Variants in LINGO2 observed in about 807,000 individuals in gnomAD.
LINGO2 encodes the protein leucine-rich repeat and immunoglobulin-like domain-containing nogo receptor-interacting protein 2.
Under a neutral mutation model 30.6 loss-of-function variants are expected in LINGO2, and 14 were observed. The observed-to-expected ratio is 0.46, with a 90% CI of 0.30 to 0.72. The LOEUF (loss-of-function observed/expected upper bound fraction) is 0.72, where lower values mean the gene tolerates loss of function less well. Among genes scored for constraint, LINGO2 ranks in the 30% least tolerant of loss-of-function variants. The probability of loss-of-function intolerance (pLI) is 0.07; values close to 1 mark genes in which losing one functional copy is unlikely to be tolerated. For missense variants in LINGO2, 729 were observed against 751.7 expected, an observed-to-expected ratio of 0.97 and a Z score of 0.35; for synonymous variants, 317 against 288.5, an observed-to-expected ratio of 1.10 and a Z score of -1.00.
the LINGO2 span, among the ~76,000 whole-genome samples, chr9:29,211,579 TTC>T: frequency 2.0e-5 from 3 of 151,084 alleles, no homozygotes; most frequent in Admixed American, 6.6e-5. Flanking sequence ...TTCTCTTCTC[TTC>T]TCTCTCTCTC....
At chr9:28,932,107 A>AAAAATAAAATAAAATAAAATAAAAT in the LINGO2 span, among the ~76,000 whole-genome samples, 2,030 of 107,570 alleles carry the variant, frequency 0.019, 168 homozygotes, top group African/African-American at 0.044. Context: ...ACTCTGACAA[A>AAAAATAAAATAAAATAAAATAAAAT]AAAATAAAAT....
the LINGO2 span, among the ~76,000 whole-genome samples, chr9:29,096,853 T>A: frequency 7.1e-6 from 1 of 139,968 alleles, no homozygotes; most frequent in East Asian, 2.4e-4. Context: ...AAAATGTTCC[T>A]GGAAATAATG....
the LINGO2 span, among the ~76,000 whole-genome samples, chr9:28,692,390 G>T: frequency 6.6e-6 from 1 of 152,050 alleles, no homozygotes; most frequent in Admixed American, 6.6e-5. Context: ...CAGGAGAGTC[G>T]CTTGAACCCA....
At chr9:28,138,011 CATT>C (rs1235810041) in intron 4 of LINGO2, among the ~76,000 whole-genome samples, 2 of 152,172 alleles carry the variant, frequency 1.3e-5, no homozygotes, top group African/African-American at 4.8e-5. Flanking sequence ...GCTCTACATG[CATT>C]ATCAAGTTTG....
At chr9:28,933,289 G>A in the LINGO2 span, among the ~76,000 whole-genome samples, 1 of 152,044 alleles carries the variant, frequency 6.6e-6, no homozygotes, top group Non-Finnish European at 1.5e-5. Context: ...TCACCACCCT[G>A]CTTCATTGGG....
At chr9:28,172,028 A>AAC (rs71504157) in intron 4 of LINGO2, among the ~76,000 whole-genome samples, 3 of 92,040 alleles carry the variant, frequency 3.3e-5, no homozygotes, top group East Asian at 2.4e-4. Context: ...AAAAAAAAAA[A>AAC]AAAAACAAAA....
the LINGO2 span, among the ~76,000 whole-genome samples, chr9:29,058,853 G>A: frequency 6.6e-5 from 10 of 151,858 alleles, no homozygotes; most frequent in African/African-American, 1.4e-4. Flanking sequence ...AAAATAGGTC[G>A]TTACATTTAA....
intron 1 of LINGO2, among the ~76,000 whole-genome samples, chr9:28,591,316 T>C (rs569576851): frequency 8.6e-5 from 13 of 151,848 alleles, no homozygotes; most frequent in South Asian, 4.2e-4. Flanking sequence ...AATAAAAATA[T>C]ATATATATAA....
chr9:29,034,966 A>C, the LINGO2 span, among the ~76,000 whole-genome samples: 1 of 152,134 alleles, frequency 6.6e-6, no homozygotes, highest in African/African-American at 2.4e-5. Context: ...CACATATAAA[A>C]TGTCAGGAAT....
intron 3 of LINGO2, among the ~76,000 whole-genome samples, chr9:28,300,657 G>C (rs960239558): frequency 6.6e-6 from 1 of 151,268 alleles, no homozygotes; most frequent in Non-Finnish European, 1.5e-5. Context: ...TTCCTCCATT[G>C]TCTTTTTTCT....
chr9:27,954,023 C>T (rs2095046), intron 5 of LINGO2, among the ~76,000 whole-genome samples: 84,102 of 151,942 alleles, frequency 0.55, 24,783 homozygotes, highest in East Asian at 0.81. Flanking sequence ...TTTTCAAAAA[C>T]ATACCTGTAT....
chr9:29,176,278 CT>C, the LINGO2 span, among the ~76,000 whole-genome samples: 1 of 152,212 alleles, frequency 6.6e-6, no homozygotes, highest in East Asian at 1.9e-4. Context: ...TTGTTTTCCC[CT>C]GATCCTGCTA....
At chr9:28,092,227 C>A (rs1370461047) in intron 4 of LINGO2, among the ~76,000 whole-genome samples, 3 of 152,116 alleles carry the variant, frequency 2.0e-5, no homozygotes, top group Non-Finnish European at 4.4e-5. Context: ...ATTCATGCTG[C>A]TATAAAGACA....
At chr9:28,844,271 A>G in the LINGO2 span, among the ~76,000 whole-genome samples, 1 of 151,812 alleles carries the variant, frequency 6.6e-6, no homozygotes, top group Non-Finnish European at 1.5e-5. Context: ...CTGAGGCAGG[A>G]GAATCGCTTG....
At chr9:28,154,980 G>A (rs1176894735) in intron 4 of LINGO2, among the ~76,000 whole-genome samples, 2 of 152,188 alleles carry the variant, frequency 1.3e-5, no homozygotes, top group African/African-American at 4.8e-5. Flanking sequence ...TGCAACTGCT[G>A]TTGAATTTTA....
chr9:28,345,157 C>G lies in LINGO2; in HGVS notation c.-246+27679G>C, dbSNP rs80281097. 5.6e-3 allele frequency among the ~76,000 whole-genome samples: 856 copies of G among 152,102 alleles called. 36 individuals carry two copies. In the East Asian group the frequency reaches 0.11, roughly 19 times the overall value. ...ATAGGGAATGAGGGTGGCTTCCATT[C>G]TGATTCTAAGGTTTGAGAAACCATG... is the stretch of plus-strand genomic sequence containing the variant. On this transcript the variant is annotated intron_variant, in intron 3 of 5. Transcript: ENST00000379992.
intron 4 of LINGO2, among the ~76,000 whole-genome samples, chr9:28,025,495 G>A (rs1823332256): frequency 6.6e-6 from 1 of 152,270 alleles, no homozygotes; most frequent in East Asian, 1.9e-4. Context: ...ACTCCATCAT[G>A]AGAGGCCTGT....
intron 2 of LINGO2, among the ~76,000 whole-genome samples, chr9:28,402,580 T>C (rs1312847198): frequency 6.6e-6 from 1 of 151,754 alleles, no homozygotes; most frequent in Non-Finnish European, 1.5e-5. Context: ...TTCTTCCCTC[T>C]CCCTCCTTCC....
chr9:28,193,432 G>A (rs887076369), intron 4 of LINGO2, among the ~76,000 whole-genome samples: 1 of 151,926 alleles, frequency 6.6e-6, no homozygotes. Flanking sequence ...ATAAAATTAA[G>A]CACTAAGTAT....
Sources: gnomAD v4.1 joint callset for allele counts (sites outside exome capture counted in the v4.1 genomes callset) on GRCh38, gnomAD v4.1.1 for gene constraint, MANE v1.5 for transcripts, NCBI Gene and HGNC (gene_info 2026-07-23, HGNC 2026-07-21) for gene names.